Variants in NEK10 observed in about 807,000 individuals in gnomAD.
The protein encoded by NEK10 is NIMA related kinase 10.
A neutral mutation model predicts 159.8 loss-of-function variants in NEK10; 122 were observed. The observed-to-expected ratio is 0.76, with a 90% CI of 0.66 to 0.89. The LOEUF is 0.89. Ranked by LOEUF, NEK10 falls within the 40% of genes least tolerant of loss-of-function variation. The probability of loss-of-function intolerance (pLI) is 0.00; values close to 1 mark genes in which losing one functional copy is unlikely to be tolerated. For synonymous variants in NEK10, 466 were observed against 457.1 expected (o/e 1.02, Z -0.25); for missense variants, 1,342 against 1,323.1 (o/e 1.01, Z -0.22).
chr3:27,185,993 G>C (rs1948580616), intron 26 of NEK10, among the ~76,000 whole-genome samples: 1 of 152,232 alleles, frequency 6.6e-6, no homozygotes, highest in East Asian at 1.9e-4. Context: ...ATTTCAGAGA[G>C]AGTGAATTGA....
chr3:27,171,748 T>G (rs1947004657), intron 29 of NEK10, 71 bp downstream of exon 29: 6 of 1,519,982 alleles, frequency 3.9e-6, no homozygotes, highest in Non-Finnish European at 5.4e-6. Flanking sequence ...CTATCAGGTT[T>G]CAATTCAGCT....
chr3:27,117,910 G>GT (rs774031591), intron 33 of NEK10, among the ~76,000 whole-genome samples: 99 of 152,202 alleles, frequency 6.5e-4, no homozygotes, highest in Non-Finnish European at 7.5e-4. Context: ...TGTCCTGAAT[G>GT]GTATTGTCTA....
chr3:27,162,562 T>G, intron 30 of NEK10, 139 bp downstream of exon 30: 1 of 1,614,146 alleles, frequency 6.2e-7, no homozygotes, highest in South Asian at 1.1e-5. Context: ...CCTGAGCATG[T>G]GGGGTGGCAC....
At chr3:27,147,563 A>G (rs1421673448) in intron 30 of NEK10, among the ~76,000 whole-genome samples, 1 of 152,226 alleles carries the variant, frequency 6.6e-6, no homozygotes, top group African/African-American at 2.4e-5. Context: ...TTTAAAGGCC[A>G]GAGGCAAGGC....
At chr3:27,334,483 C>A (rs2046654374) in intron 5 of NEK10, among the ~76,000 whole-genome samples, 1 of 152,136 alleles carries the variant, frequency 6.6e-6, no homozygotes, top group Non-Finnish European at 1.5e-5. Context: ...CATCTAGGGT[C>A]CCCAGGATAG....
chr3:27,236,086 G>A (rs1953880140), intron 23 of NEK10, among the ~76,000 whole-genome samples: 1 of 151,964 alleles, frequency 6.6e-6, no homozygotes, highest in South Asian at 2.1e-4. Context: ...ACTTATAAGT[G>A]GGAGCTAAAT....
intron 5 of NEK10, among the ~76,000 whole-genome samples, chr3:27,333,695 G>A (rs1174647775): frequency 6.6e-6 from 1 of 152,124 alleles, no homozygotes; most frequent in African/African-American, 2.4e-5. Flanking sequence ...CCAGGTAGGA[G>A]GCATGATCAA....
At position 27,174,851 on chromosome 3, in the gene NEK10, GT is replaced by G; in HGVS notation, c.2506-19del. 1.3e-6 allele frequency: 2 copies of G among 1,549,520 alleles called. No individual in the cohort carries two copies. The highest frequency in any genetic ancestry group is 1.7e-6 in the Non-Finnish European group (2 of 1,152,348). On this transcript the variant is annotated intron_variant, in intron 26 of 35. Transcript: ENST00000691995. ...AAGGTCTCCTGGAAAGAGAAATTCA[GT>G]TTTTCATAGCCTCTTTCTCTATCCT...
chr3:27,203,541 A>G (rs557087264), intron 23 of NEK10, among the ~76,000 whole-genome samples: 33 of 151,770 alleles, frequency 2.2e-4, no homozygotes, highest in Non-Finnish European at 3.7e-4. Context: ...TCTAACATAT[A>G]TGTACACTAA....
At chr3:27,114,338 T>C (rs910666413) in intron 35 of NEK10, among the ~76,000 whole-genome samples, 1 of 152,136 alleles carries the variant, frequency 6.6e-6, no homozygotes, top group African/African-American at 2.4e-5. Context: ...TCTCCAGGGA[T>C]GGTGGGAGGA....
intron 5 of NEK10, among the ~76,000 whole-genome samples, chr3:27,329,411 A>C (rs2149698092): frequency 6.6e-6 from 1 of 152,310 alleles, no homozygotes; most frequent in East Asian, 1.9e-4. Flanking sequence ...CAGGTTTCAC[A>C]AGGCTGTTTG....
chr3:27,280,502 C>T (rs1006498914), intron 22 of NEK10, among the ~76,000 whole-genome samples: 2 of 152,112 alleles, frequency 1.3e-5, no homozygotes, highest in African/African-American at 2.4e-5. Flanking sequence ...CGGTAGAATT[C>T]GACGAAAATT....
intron 23 of NEK10, among the ~76,000 whole-genome samples, chr3:27,215,392 A>T (rs1951414139): frequency 6.6e-6 from 1 of 152,216 alleles, no homozygotes; most frequent in African/African-American, 2.4e-5. Flanking sequence ...AAATTGTAGG[A>T]CTGTGGAAAA....
chr3:27,200,249 G>A (rs780640607), intron 25 of NEK10, among the ~76,000 whole-genome samples: 7 of 152,142 alleles, frequency 4.6e-5, no homozygotes, highest in Non-Finnish European at 8.8e-5. Flanking sequence ...TAAATCAAAG[G>A]GAAAGGGGTA....
chr3:27,184,064 G>A (rs1948386879), intron 26 of NEK10, among the ~76,000 whole-genome samples: 1 of 152,122 alleles, frequency 6.6e-6, no homozygotes, highest in Middle Eastern at 3.2e-3. Context: ...CTATAACCCT[G>A]AAACTCTATT....
Position 27,129,375 on chromosome 3 carries a change from AC to A in NEK10, c.3081+2504del, listed in dbSNP as rs543125445. ...AGAAAGGTAGAAATCAAGTGCATTTACGGGCTGTCACCACTTACTGCTCCTA... is the reference window on the plus strand; with the variant it reads ...AGAAAGGTAGAAATCAAGTGCATTTAGGGCTGTCACCACTTACTGCTCCTA... On this transcript the variant is annotated intron_variant, in intron 32 of 35. Coordinates refer to ENST00000691995, the MANE Select transcript of NEK10 (RefSeq NM_001394966.1). Among the ~76,000 whole-genome samples, 519 of 152,236 alleles carry A rather than the reference AC, an allele frequency of 3.4e-3. 11 individuals are homozygous for A. The highest frequency in any genetic ancestry group is 0.031 in the Admixed American group (480 of 15,280).
intron 23 of NEK10, among the ~76,000 whole-genome samples, chr3:27,211,566 T>G (rs1951011055): frequency 6.6e-6 from 1 of 152,098 alleles, no homozygotes; most frequent in Non-Finnish European, 1.5e-5. Context: ...TCCAGTTTGG[T>G]AAAAGCATGT....
chr3:27,111,450 G>C, intron 35 of NEK10, 130 bp from the exon 36 acceptor site: 1 of 686,136 alleles, frequency 1.5e-6, no homozygotes, highest in Non-Finnish European at 2.3e-6. Context: ...GATTATTTTT[G>C]TTAGGATGGG....
intron 22 of NEK10, among the ~76,000 whole-genome samples, chr3:27,264,574 C>T (rs1412681588): frequency 6.6e-6 from 1 of 152,160 alleles, no homozygotes; most frequent in Non-Finnish European, 1.5e-5. Flanking sequence ...ACATATAGCC[C>T]CTGAATCCAA....
Sources: gnomAD v4.1 joint callset for allele counts (sites outside exome capture counted in the v4.1 genomes callset) on GRCh38, gnomAD v4.1.1 for gene constraint, MANE v1.5 for transcripts, NCBI Gene and HGNC (gene_info 2026-07-23, HGNC 2026-07-21) for gene names.